ERC2: variants seen among roughly 807,000 people sequenced by gnomAD.
ERC2 encodes the protein ELKS/RAB6-interacting/CAST family member 2.
ERC2 carries 42 observed loss-of-function variants against 114.8 expected under a neutral mutation model. The ratio of observed to expected loss-of-function variants is 0.37; its 90% CI spans 0.29 to 0.47. The LOEUF (loss-of-function observed/expected upper bound fraction) is 0.47. Among genes scored for constraint, ERC2 ranks in the 20% least tolerant of loss-of-function variants. The probability of loss-of-function intolerance (pLI) is 0.99; values close to 1 mark genes in which losing one functional copy is unlikely to be tolerated. For missense variants in ERC2, 939 were observed against 1,150.7 expected (o/e 0.82, Z 2.66); for synonymous variants, 454 against 425.5 (o/e 1.07, Z -0.82).
chr3:55,898,260 G>C (rs1460504262), intron 13 of ERC2, among the ~76,000 whole-genome samples: 3 of 152,172 alleles, frequency 2.0e-5, no homozygotes, highest in Admixed American at 1.3e-4. Context: ...AAAAGGCTGT[G>C]GGGGTGTGCT....
rs528713223 is a variant in ERC2, at chr3:55,690,254, T to C, written c.2848-6395A>G. Among the ~76,000 whole-genome samples the C allele has an allele frequency of 2.6e-5, 4 of 152,312 alleles. No individual in the cohort carries two copies. In the East Asian group the frequency reaches 7.7e-4, roughly 29 times the overall value. ...ATGCTTCCTACTCCCTTTCCTCTGC[T>C]GGTCCCTTATCTTTGGAGTGCTGCA... On this transcript the variant is annotated intron_variant, in intron 16 of 17. Coordinates refer to ENST00000288221, the MANE Select transcript of ERC2 (RefSeq NM_015576.3).
intron 12 of ERC2, among the ~76,000 whole-genome samples, chr3:55,951,284 C>T (rs1321883371): frequency 3.3e-5 from 5 of 152,118 alleles, no homozygotes; most frequent in Admixed American, 6.5e-5. Context: ...TAATCCATTA[C>T]TTTGATTTTA....
At chr3:55,765,819 T>A (rs1380520612) in intron 14 of ERC2, among the ~76,000 whole-genome samples, 1 of 152,190 alleles carries the variant, frequency 6.6e-6, no homozygotes, top group Non-Finnish European at 1.5e-5. Context: ...CTCAGGTGAG[T>A]TTGGCTTTCC....
At chr3:55,870,302 T>C (rs1262763463) in intron 14 of ERC2, among the ~76,000 whole-genome samples, 2 of 152,168 alleles carry the variant, frequency 1.3e-5, no homozygotes, top group African/African-American at 4.8e-5. Flanking sequence ...CTCAAACTCC[T>C]GACTTCAAGT....
At chr3:56,200,132 T>A (rs2150092397) in intron 3 of ERC2, among the ~76,000 whole-genome samples, 1 of 152,258 alleles carries the variant, frequency 6.6e-6, no homozygotes, top group Non-Finnish European at 1.5e-5. Context: ...ATAATATTTA[T>A]ACATCACCCA....
Position 56,057,731 on chromosome 3 carries a change from T to C in ERC2, c.1641+23086A>G, listed in dbSNP as rs534658936. 3.3e-5 allele frequency among the ~76,000 whole-genome samples: 5 copies of C among 152,330 alleles called. No homozygotes were observed. The South Asian group carries it at 8.3e-4, about 25-fold the overall frequency. ...TGGATGCCGATCTAGGCACTTGGGATACGTCAGTACACAAAACAGACAATG... is the reference window on the plus strand; with the variant it reads ...TGGATGCCGATCTAGGCACTTGGGACACGTCAGTACACAAAACAGACAATG... On this transcript the variant is annotated intron_variant, in intron 7 of 17. Transcript: ENST00000288221.
intron 11 of ERC2, among the ~76,000 whole-genome samples, chr3:55,991,053 C>T (rs1157262334): frequency 1.3e-5 from 2 of 152,288 alleles, no homozygotes; most frequent in East Asian, 1.9e-4. Context: ...TGTGACCATG[C>T]CACTGCACTC....
chr3:56,070,091 C>A (rs1053957355), intron 7 of ERC2, among the ~76,000 whole-genome samples: 1 of 152,156 alleles, frequency 6.6e-6, no homozygotes, highest in Non-Finnish European at 1.5e-5. Flanking sequence ...TCATGGACTT[C>A]CCTTACAATA....
chr3:56,283,352 C>T lies in ERC2; in HGVS notation c.1074+12667G>A, dbSNP rs960401756. Among the ~76,000 whole-genome samples the T allele has an allele frequency of 5.3e-5, 8 of 152,212 alleles. No homozygotes were observed. The East Asian group carries it at 5.8e-4, about 11-fold the overall frequency. ...CCTACATTAAGAGTCATTTCTCGGC[C>T]GGGCATGATGGCTCATACCTGTAAT... On this transcript the variant is annotated intron_variant, in intron 3 of 17. Transcript: ENST00000288221.
At chr3:55,859,970 T>G (rs2061960965) in intron 14 of ERC2, among the ~76,000 whole-genome samples, 1 of 152,250 alleles carries the variant, frequency 6.6e-6, no homozygotes, top group African/African-American at 2.4e-5. Flanking sequence ...ATCCCAAGCC[T>G]CCTACTATTC....
chr3:55,633,800 C>G (rs984231680), intron 17 of ERC2, among the ~76,000 whole-genome samples: 1 of 152,164 alleles, frequency 6.6e-6, no homozygotes, highest in Non-Finnish European at 1.5e-5. Context: ...CAAAACTAAA[C>G]CTTAAATGAT....
chr3:55,955,090 A>C, intron 12 of ERC2: 1 of 494,368 alleles, frequency 2.0e-6, no homozygotes, highest in Non-Finnish European at 4.0e-6. Flanking sequence ...TTTATGTTAA[A>C]ATAGGAATGC....
At chr3:56,069,728 T>C (rs977411369) in intron 7 of ERC2, among the ~76,000 whole-genome samples, 1 of 152,206 alleles carries the variant, frequency 6.6e-6, no homozygotes, top group Non-Finnish European at 1.5e-5. Context: ...TAAGGACTGA[T>C]TATATGTGGG....
At chr3:55,801,236 C>T (rs1396599995) in intron 14 of ERC2, among the ~76,000 whole-genome samples, 7 of 152,092 alleles carry the variant, frequency 4.6e-5, no homozygotes, top group East Asian at 1.9e-4. Flanking sequence ...TTTCTTAAGA[C>T]GCCCATAAAC....
intron 17 of ERC2, among the ~76,000 whole-genome samples, chr3:55,644,923 G>A (rs944059303): frequency 3.3e-5 from 5 of 151,848 alleles, no homozygotes; most frequent in Non-Finnish European, 7.4e-5. Context: ...GAGAGTGATG[G>A]GTAGCTTTGC....
chr3:56,159,467 T>C (rs2149984047), intron 4 of ERC2, among the ~76,000 whole-genome samples: 1 of 152,324 alleles, frequency 6.6e-6, no homozygotes, highest in South Asian at 2.1e-4. Flanking sequence ...TAAACTACTA[T>C]AAACTTTAAA....
intron 13 of ERC2, among the ~76,000 whole-genome samples, chr3:55,890,278 C>T (rs1043255511): frequency 1.3e-5 from 2 of 152,012 alleles, no homozygotes; most frequent in African/African-American, 4.8e-5. Flanking sequence ...ATAGCAGTGA[C>T]CCCCAAAAAA....
chr3:56,446,613 T>C, intron 1 of ERC2, among the ~76,000 whole-genome samples: 1 of 129,970 alleles, frequency 7.7e-6, no homozygotes, highest in Admixed American at 7.8e-5. Flanking sequence ...ATTTTCTTCT[T>C]TTTTTTTTTT....
intron 1 of ERC2, among the ~76,000 whole-genome samples, chr3:56,449,764 G>A (rs1302760115): frequency 6.6e-6 from 1 of 152,208 alleles, no homozygotes; most frequent in Non-Finnish European, 1.5e-5. Context: ...GATGATATAA[G>A]AAAGTACTTA....
Sources: gnomAD v4.1 joint callset for allele counts (sites outside exome capture counted in the v4.1 genomes callset) on GRCh38, gnomAD v4.1.1 for gene constraint, MANE v1.5 for transcripts, NCBI Gene and HGNC (gene_info 2026-07-23, HGNC 2026-07-21) for gene names.